Variants in UVRAG observed in about 807,000 individuals in gnomAD.
UVRAG encodes UV radiation resistance-associated gene protein.
Under a neutral mutation model 78.0 loss-of-function variants are expected in UVRAG, and 19 were observed. The observed-to-expected ratio is 0.24, with a 90% confidence interval of 0.17 to 0.36. The LOEUF (loss-of-function observed/expected upper bound fraction) is 0.36, where lower values mean the gene tolerates loss of function less well. UVRAG is among the 10% of genes least tolerant of loss of function. The probability of loss-of-function intolerance (pLI) is 1.00; values close to 1 mark genes in which losing one functional copy is unlikely to be tolerated. For missense variants in UVRAG, 740 were observed against 853.8 expected, an observed-to-expected ratio of 0.87 and a Z score of 1.66; for synonymous variants, 323 against 324.6, an observed-to-expected ratio of 1.00 and a Z score of 0.05.
At chr11:76,111,838 C>T (rs116264296) in intron 13 of UVRAG, among the ~76,000 whole-genome samples, 109 of 150,950 alleles carry the variant, frequency 7.2e-4, no homozygotes, top group African/African-American at 2.6e-3. Context: ...TTTAGAGTCT[C>T]ACAGTCTCAC....
At position 76,001,103 on chromosome 11, in the gene UVRAG, CA is replaced by C. The variant is rs1053529955; in HGVS notation, c.827-2899del. On this transcript the variant is annotated intron_variant, in intron 8 of 14. Coordinates refer to ENST00000356136, the MANE Select transcript of UVRAG (RefSeq NM_003369.4). The stretch of plus-strand genomic sequence containing the variant: ...TTAGACCACATTTGGTACCATAAGA[CA>C]AACAAATACAAAATAATTAAAATCA... 3.9e-5 allele frequency among the ~76,000 whole-genome samples: 6 copies of C among 152,062 alleles called. No homozygotes were observed. In the East Asian group the frequency reaches 9.6e-4, roughly 24 times the overall value.
chr11:76,079,577 G>A (rs1951461995), intron 13 of UVRAG, among the ~76,000 whole-genome samples: 1 of 152,080 alleles, frequency 6.6e-6, no homozygotes, highest in Admixed American at 6.5e-5. Context: ...AGAGATTTAT[G>A]GAGTACCATA....
At chr11:75,960,812 C>G (rs1948894855) in intron 6 of UVRAG, among the ~76,000 whole-genome samples, 1 of 152,086 alleles carries the variant, frequency 6.6e-6, no homozygotes, top group African/African-American at 2.4e-5. Context: ...AGCAAAAACA[C>G]AAAGAAAACC....
intron 13 of UVRAG, among the ~76,000 whole-genome samples, chr11:76,088,834 T>G (rs138898893): frequency 6.6e-5 from 10 of 152,334 alleles, no homozygotes; most frequent in African/African-American, 2.2e-4. Flanking sequence ...CTGCTCACCT[T>G]GTTTTAAAAA....
chr11:75,898,245 G>T (rs963796293), intron 5 of UVRAG, among the ~76,000 whole-genome samples: 4 of 152,124 alleles, frequency 2.6e-5, no homozygotes, highest in African/African-American at 2.4e-5. Context: ...GGAAGGTAGG[G>T]CCAATTTATC....
At chr11:75,829,774 G>T (rs1368364791) in intron 1 of UVRAG, among the ~76,000 whole-genome samples, 1 of 152,178 alleles carries the variant, frequency 6.6e-6, no homozygotes, top group Non-Finnish European at 1.5e-5. Context: ...GAGTGTGGTT[G>T]TATTCCAGTA....
At chr11:75,917,852 C>T (rs1180902080) in intron 6 of UVRAG, among the ~76,000 whole-genome samples, 6 of 152,270 alleles carry the variant, frequency 3.9e-5, no homozygotes, top group Non-Finnish European at 7.3e-5. Flanking sequence ...TCTCATCTGT[C>T]GACCCTTCTT....
intron 13 of UVRAG, among the ~76,000 whole-genome samples, chr11:76,066,152 T>G (rs1370366073): frequency 6.6e-6 from 1 of 152,194 alleles, no homozygotes; most frequent in Non-Finnish European, 1.5e-5. Flanking sequence ...CATTGTTGTT[T>G]ATGGAGTAAA....
chr11:76,038,834 A>C (rs1950589033), intron 12 of UVRAG, among the ~76,000 whole-genome samples: 1 of 152,180 alleles, frequency 6.6e-6, no homozygotes, highest in Admixed American at 6.5e-5. Context: ...TGGGAGTGAA[A>C]TATGGCTGAC....
At chr11:75,928,939 CAAAAAAAAAAAAA>C (rs368913080) in intron 6 of UVRAG, among the ~76,000 whole-genome samples, 14 of 67,494 alleles carry the variant, frequency 2.1e-4, no homozygotes, top group Non-Finnish European at 3.0e-4. Flanking sequence ...GAGACTGTCT[CAAAAAAAAAAAAA>C]AAAAAAAAAA....
chr11:75,974,075 C>G (rs1295851468), intron 7 of UVRAG, among the ~76,000 whole-genome samples: 2 of 152,162 alleles, frequency 1.3e-5, no homozygotes, highest in Non-Finnish European at 2.9e-5. Flanking sequence ...TACCCAGTAA[C>G]AGGATGGCTG....
chr11:75,930,069 C>T (rs983906029), intron 6 of UVRAG, among the ~76,000 whole-genome samples: 1 of 152,078 alleles, frequency 6.6e-6, no homozygotes, highest in Non-Finnish European at 1.5e-5. Context: ...TTTTTGATTG[C>T]CTGTCATTTG....
intron 13 of UVRAG, among the ~76,000 whole-genome samples, chr11:76,068,784 T>G (rs1951246854): frequency 6.6e-6 from 1 of 152,226 alleles, no homozygotes. Context: ...TAAGCGAGCA[T>G]TGTAGCAATC....
At chr11:75,827,479 C>T (rs559056333) in intron 1 of UVRAG, among the ~76,000 whole-genome samples, 3 of 152,040 alleles carry the variant, frequency 2.0e-5, no homozygotes, top group South Asian at 2.1e-4. Context: ...GGCGTGGTGG[C>T]GGGCACCTGT....
At chr11:76,035,400 C>G (rs1014078694) in intron 12 of UVRAG, among the ~76,000 whole-genome samples, 1 of 152,036 alleles carries the variant, frequency 6.6e-6, no homozygotes, top group Non-Finnish European at 1.5e-5. Context: ...GTATTCCTTT[C>G]TAAGATGATG....
At chr11:75,959,868 T>G (rs1011536981) in intron 6 of UVRAG, among the ~76,000 whole-genome samples, 3 of 152,212 alleles carry the variant, frequency 2.0e-5, no homozygotes, top group Non-Finnish European at 2.9e-5. Context: ...TGGCCTAATT[T>G]CATTATTGTT....
Position 75,997,393 on chromosome 11 carries a change from A to G in UVRAG, c.827-6612A>G, listed in dbSNP as rs1035774658. Among the ~76,000 whole-genome samples the G allele has an allele frequency of 4.4e-4, 67 of 152,368 alleles. 1 individual carries two copies. The highest frequency in any genetic ancestry group is 1.5e-3 in the African/African-American group (64 of 41,594). On this transcript the variant is annotated intron_variant, in intron 8 of 14. Transcript: ENST00000356136. ...AGCTATTATATTTATAGGAGCCAAC[A>G]TTGACATTTTGCTGTTAAAATTATA...
At chr11:75,838,648 C>T (rs1170500716) in intron 1 of UVRAG, among the ~76,000 whole-genome samples, 1 of 152,146 alleles carries the variant, frequency 6.6e-6, no homozygotes, top group Non-Finnish European at 1.5e-5. Context: ...CCACCGTACC[C>T]AGCCTGCATT....
intron 1 of UVRAG, among the ~76,000 whole-genome samples, chr11:75,828,334 G>A (rs757122199): frequency 2.0e-5 from 3 of 151,682 alleles, no homozygotes; most frequent in Non-Finnish European, 4.4e-5. Context: ...TAAATTGGGT[G>A]CCGTGCTATG....
Sources: allele counts gnomAD v4.1 joint callset (sites outside exome capture counted in the v4.1 genomes callset), GRCh38; gene constraint gnomAD v4.1.1; transcripts MANE v1.5; gene names NCBI Gene and HGNC (gene_info 2026-07-23, HGNC 2026-07-21).